Variants in DNAL1 observed in about 807,000 individuals in gnomAD.
The protein encoded by DNAL1 is dynein axonemal light chain 1, also known as chromosome 14 open reading frame 168.
Under a neutral mutation model 29.4 loss-of-function variants are expected in DNAL1, and 17 were observed. That is an observed-to-expected ratio of 0.58 (90% confidence interval 0.40 to 0.87). The LOEUF is 0.87. DNAL1 is among the 40% of genes least tolerant of loss of function. DNAL1 has a pLI of 0.00. For synonymous variants in DNAL1, 78 were observed against 76.3 expected (o/e 1.02, Z -0.12); for missense variants, 188 against 214.1 (o/e 0.88, Z 0.76).
chr14:73,655,384 G>T (rs1452277257), intron 2 of DNAL1, among the ~76,000 whole-genome samples: 1 of 140,516 alleles, frequency 7.1e-6, no homozygotes, highest in African/African-American at 2.7e-5. Context: ...CGCTCTTGTC[G>T]CCCAGGCTGG....
intron 5 of DNAL1, among the ~76,000 whole-genome samples, chr14:73,679,453 C>T (rs1891823026): frequency 6.6e-6 from 1 of 152,004 alleles, no homozygotes; most frequent in Non-Finnish European, 1.5e-5. Context: ...AAGGTGGAAG[C>T]AACCTAAGTG....
Position 73,703,206 on chromosome 14 carries a change from G to A in DNAL1, c.*7264G>A, listed in dbSNP as rs1290775120. On this transcript the variant is annotated 3_prime_UTR_variant, in exon 8 of 8. Transcript: ENST00000553645. ...GTTATTTTTAGTTCATTGTTTCCTA[G>A]AACAAAGGATGGACATTTAGGATCC... is the stretch of plus-strand genomic sequence containing the variant. 6.6e-6 allele frequency: 1 copy of A among 152,056 alleles called. No homozygotes were observed. The highest frequency in any genetic ancestry group is 1.5e-5 in the Non-Finnish European group (1 of 67,994). The allele number at this position is 152,056 out of a possible 1,614,324, so 9.4% of individuals were successfully genotyped here.
At chr14:73,676,334 C>A (rs1437734243) in intron 5 of DNAL1, among the ~76,000 whole-genome samples, 1 of 151,916 alleles carries the variant, frequency 6.6e-6, no homozygotes, top group Non-Finnish European at 1.5e-5. Context: ...CTGTGAAAAT[C>A]TTTGGTCTTT....
At chr14:73,654,802 A>G in intron 1 of DNAL1, 45 bp from the exon 2 acceptor site, 1 of 1,487,130 alleles carries the variant, frequency 6.7e-7, no homozygotes, top group Non-Finnish European at 8.9e-7. Context: ...TCATACATAC[A>G]TACAACTTTG....
At chr14:73,685,299 A>G (rs1891992097) in intron 5 of DNAL1, among the ~76,000 whole-genome samples, 1 of 152,128 alleles carries the variant, frequency 6.6e-6, no homozygotes, top group South Asian at 2.1e-4. Context: ...CCTGGCACCC[A>G]CCATTCCACT....
intron 5 of DNAL1, among the ~76,000 whole-genome samples, chr14:73,684,711 T>C (rs970396956): frequency 2.0e-5 from 3 of 152,048 alleles, no homozygotes; most frequent in South Asian, 2.1e-4. Flanking sequence ...CTAGACAACA[T>C]AGTGAGACTC....
intron 4 of DNAL1, among the ~76,000 whole-genome samples, chr14:73,670,982 C>T (rs1016989650): frequency 5.9e-5 from 9 of 152,022 alleles, no homozygotes; most frequent in East Asian, 1.9e-4. Context: ...GTGATCCGCC[C>T]GCCTCAGCCT....
chr14:73,669,221 C>T (rs1891558790), intron 4 of DNAL1, among the ~76,000 whole-genome samples: 1 of 152,050 alleles, frequency 6.6e-6, no homozygotes, highest in Non-Finnish European at 1.5e-5. Context: ...GTGCTGAAAC[C>T]ATCCTCCTGC....
At chr14:73,665,722 C>T (rs545237902) in intron 4 of DNAL1, among the ~76,000 whole-genome samples, 13 of 150,152 alleles carry the variant, frequency 8.7e-5, no homozygotes, top group Non-Finnish European at 1.6e-4. Context: ...ACCTGGGAGG[C>T]GGAGGTTGCA....
At chr14:73,671,648 G>T (rs1891618536) in intron 5 of DNAL1, 51 bp downstream of exon 5, 2 of 1,355,502 alleles carry the variant, frequency 1.5e-6, no homozygotes, top group African/African-American at 1.5e-5. Context: ...ACACATCTAT[G>T]AATAATTTCT....
intron 7 of DNAL1, among the ~76,000 whole-genome samples, chr14:73,692,586 G>A (rs573717105): frequency 6.6e-6 from 1 of 151,406 alleles, no homozygotes; most frequent in Admixed American, 6.6e-5. Context: ...TTGAACCCAG[G>A]AGGCGGAGGT....
chr14:73,693,375 T>C (rs1390227902), intron 7 of DNAL1, among the ~76,000 whole-genome samples: 1 of 152,234 alleles, frequency 6.6e-6, no homozygotes, highest in Non-Finnish European at 1.5e-5. Context: ...CGTATGAGGA[T>C]GTTCATAGTA....
intron 1 of DNAL1, among the ~76,000 whole-genome samples, chr14:73,649,345 C>T (rs139684140): frequency 0.013 from 2,031 of 150,796 alleles, 31 homozygotes; most frequent in East Asian, 0.088. Flanking sequence ...TGCAGTGGCG[C>T]GATCTCGGCT....
At chr14:73,691,349 A>T (rs1892167843) in intron 7 of DNAL1, among the ~76,000 whole-genome samples, 1 of 152,078 alleles carries the variant, frequency 6.6e-6, no homozygotes, top group South Asian at 2.1e-4. Context: ...CAGGAGTTCG[A>T]GACCAGCCTG....
chr14:73,681,157 G>A (rs1022358231), intron 5 of DNAL1, among the ~76,000 whole-genome samples: 6 of 149,344 alleles, frequency 4.0e-5, no homozygotes, highest in African/African-American at 1.5e-4. Flanking sequence ...TTTTTGAGAC[G>A]GAGTCTCACT....
intron 4 of DNAL1, among the ~76,000 whole-genome samples, chr14:73,669,984 T>TACAC (rs35574600): frequency 0.013 from 1,905 of 150,936 alleles, 33 homozygotes; most frequent in African/African-American, 0.043. Flanking sequence ...CACACACACA[T>TACAC]ACACACACAC....
At chr14:73,647,174 T>C (rs1039614935) in intron 1 of DNAL1, among the ~76,000 whole-genome samples, 3 of 151,762 alleles carry the variant, frequency 2.0e-5, no homozygotes, top group Non-Finnish European at 2.9e-5. Context: ...CTGGCTATCA[T>C]GGTGAAACCC....
intron 6 of DNAL1, among the ~76,000 whole-genome samples, chr14:73,688,435 C>T (rs1892074943): frequency 6.6e-6 from 1 of 152,026 alleles, no homozygotes; most frequent in African/African-American, 2.4e-5. Flanking sequence ...CATAGCAAAA[C>T]CCAAATTTTT....
In DNAL1 at chr14:73,659,161, A is replaced by AT. The variant is rs10547955; in HGVS notation, c.152+223dup. ...AGAAAATATTGAACAGTATAGTACA[A>AT]TTTTTTTTTTTTTTTTTTGAGATGG... On this transcript the variant is annotated intron_variant, in intron 3 of 7. Transcript: ENST00000553645. 7.8e-3 allele frequency among the ~76,000 whole-genome samples: 1,097 copies of AT among 140,850 alleles called. 5 individuals carry two copies. The highest frequency in any genetic ancestry group is 0.024 in the East Asian group (119 of 4,864). 92.4% of individuals were successfully genotyped at this position (140,850 alleles called of 152,430 possible).
Sources: gnomAD v4.1 joint callset for allele counts (sites outside exome capture counted in the v4.1 genomes callset) on GRCh38, gnomAD v4.1.1 for gene constraint, MANE v1.5 for transcripts, NCBI Gene and HGNC (gene_info 2026-07-23, HGNC 2026-07-21) for gene names.